TRERF1: variants seen among roughly 807,000 people sequenced by gnomAD.
TRERF1 encodes the protein transcriptional-regulating factor 1.
In TRERF1, 27 loss-of-function variants were observed where a neutral mutation model predicts 122.9. The ratio of observed to expected loss-of-function variants is 0.22; its 90% CI spans 0.16 to 0.30. TRERF1 has a LOEUF of 0.30. Among genes scored for constraint, TRERF1 ranks in the 10% least tolerant of loss-of-function variants. The probability of loss-of-function intolerance (pLI) is 1.00; values close to 1 mark genes in which losing one functional copy is unlikely to be tolerated. For missense variants in TRERF1, 1,248 were observed against 1,560.3 expected, an observed-to-expected ratio of 0.80 and a Z score of 3.37; for synonymous variants, 636 against 641.7, an observed-to-expected ratio of 0.99 and a Z score of 0.13.
intron 4 of TRERF1, among the ~76,000 whole-genome samples, chr6:42,297,642 A>G (rs1051061619): frequency 6.6e-6 from 1 of 152,236 alleles, no homozygotes; most frequent in Non-Finnish European, 1.5e-5. Flanking sequence ...TGGACTTCAC[A>G]CAGGTTTGTA....
intron 3 of TRERF1, among the ~76,000 whole-genome samples, chr6:42,311,297 G>A (rs894196743): frequency 2.6e-5 from 4 of 152,164 alleles, no homozygotes; most frequent in African/African-American, 7.2e-5. Context: ...ACCTGAAAAG[G>A]TGACATCTGG....
chr6:42,401,343 CACA>C (rs1337767141), intron 2 of TRERF1, among the ~76,000 whole-genome samples: 1 of 152,200 alleles, frequency 6.6e-6, no homozygotes, highest in African/African-American at 2.4e-5. Context: ...AGAAAAGATT[CACA>C]ACACTTCTCA....
In TRERF1 at chr6:42,428,907, C is replaced by A. The variant is rs558063854; in HGVS notation, c.-454+22270G>T. Among the ~76,000 whole-genome samples, 309 of 152,314 alleles carry A rather than the reference C, an allele frequency of 2.0e-3. 1 individual carries two copies. The highest frequency in any genetic ancestry group is 6.5e-3 in the African/African-American group (269 of 41,566). On this transcript the variant is annotated intron_variant, in intron 2 of 17. Transcript: ENST00000372922. ...GGCCTTCCCACTTCCCAGGAACCCA[C>A]AGATAGAGAAGTCCAATACACTGGC...
At chr6:42,235,345 G>A (rs1771880287) in intron 16 of TRERF1, among the ~76,000 whole-genome samples, 1 of 152,126 alleles carries the variant, frequency 6.6e-6, no homozygotes, top group South Asian at 2.1e-4. Context: ...AGGTGTGCCT[G>A]GCCTTAAGAA....
At chr6:42,431,846 C>G (rs1291296122) in intron 2 of TRERF1, among the ~76,000 whole-genome samples, 3 of 152,180 alleles carry the variant, frequency 2.0e-5, no homozygotes, top group Non-Finnish European at 4.4e-5. Flanking sequence ...ATGGAAGCTT[C>G]TGTCCCAAAT....
At chr6:42,440,937 C>T (rs114647013) in intron 2 of TRERF1, among the ~76,000 whole-genome samples, 12 of 152,238 alleles carry the variant, frequency 7.9e-5, no homozygotes, top group Non-Finnish European at 8.8e-5. Flanking sequence ...CCTCCACGTG[C>T]GCTAAGCTCT....
intron 2 of TRERF1, among the ~76,000 whole-genome samples, chr6:42,398,139 C>G (rs536874882): frequency 6.6e-6 from 1 of 152,194 alleles, no homozygotes; most frequent in African/African-American, 2.4e-5. Flanking sequence ...AATCCCAGCT[C>G]CAGCACTTGC....
chr6:42,380,102 G>A (rs969627779), intron 2 of TRERF1, among the ~76,000 whole-genome samples: 3 of 152,098 alleles, frequency 2.0e-5, no homozygotes, highest in African/African-American at 7.2e-5. Context: ...AGATACCTGG[G>A]GGAAGATATT....
Position 42,307,865 on chromosome 6 carries a change from T to C in TRERF1, c.-370-7116A>G, listed in dbSNP as rs116736291. 6.7e-3 allele frequency among the ~76,000 whole-genome samples: 1,025 copies of C among 152,260 alleles called. 10 individuals carry two copies. The highest frequency in any genetic ancestry group is 0.023 in the African/African-American group (972 of 41,540). On this transcript the variant is annotated intron_variant, in intron 3 of 17. Transcript: ENST00000372922. ...GAGGAGCTCTCATCAAAGTGGTGGT[T>C]CTCCAACTTTCAGGTCTACACGAAC...
chr6:42,273,225 C>T (rs1316375150), intron 4 of TRERF1, among the ~76,000 whole-genome samples: 2 of 152,010 alleles, frequency 1.3e-5, no homozygotes, highest in Admixed American at 1.3e-4. Context: ...TGCACTTCCA[C>T]CAGTGCAATT....
chr6:42,334,829 GAGCC>G (rs1188030230), intron 3 of TRERF1, among the ~76,000 whole-genome samples: 12 of 152,234 alleles, frequency 7.9e-5, no homozygotes, highest in African/African-American at 2.9e-4. Context: ...GAGCACCAAG[GAGCC>G]CCACGTGTGC....
intron 3 of TRERF1, among the ~76,000 whole-genome samples, chr6:42,341,679 C>T (rs996433384): frequency 1.3e-5 from 2 of 152,204 alleles, no homozygotes. Flanking sequence ...CCTAGCATGG[C>T]TCCCTCTTCC....
rs1779670558 is a variant in TRERF1, at chr6:42,268,650, A to AGCTGTAGCTGCTGCGGCTGCT, written c.920_940dup (p.Gln307_Gln313dup). On this transcript the variant is annotated inframe_insertion, in exon 5 of 18. Transcript: ENST00000372922. The surrounding 1 kb of genome is among the most constrained non-coding windows in gnomAD (Gnocchi z 4.4). ...CTGCATTGAACCCTGCCGCTGCTGC[A>AGCTGTAGCTGCTGCGGCTGCT]GCTGTAGCTGCTGCGGCTGCTGCTG... The AGCTGTAGCTGCTGCGGCTGCT allele has an allele frequency of 6.2e-7, 1 of 1,613,984 alleles. No homozygotes were observed. Among genetic ancestry groups the AGCTGTAGCTGCTGCGGCTGCT allele is most frequent in the Admixed American group, 1.7e-5 (1 of 59,976 alleles).
At chr6:42,446,876 A>ACGTG (rs1237982714) in intron 2 of TRERF1, among the ~76,000 whole-genome samples, 1 of 152,158 alleles carries the variant, frequency 6.6e-6, no homozygotes, top group Non-Finnish European at 1.5e-5. Flanking sequence ...ATGGTGGTGC[A>ACGTG]CGCCTGTAAT....
intron 2 of TRERF1, among the ~76,000 whole-genome samples, chr6:42,388,391 C>T (rs1277445445): frequency 6.6e-6 from 1 of 152,052 alleles, no homozygotes; most frequent in Non-Finnish European, 1.5e-5. Flanking sequence ...AATACGAGCT[C>T]AGCACACTTA....
Position 42,316,209 on chromosome 6 carries a change from A to G in TRERF1, c.-370-15460T>C, listed in dbSNP as rs572943718. Among the ~76,000 whole-genome samples, 46 of 152,270 alleles carry G rather than the reference A, an allele frequency of 3.0e-4. 1 individual carries two copies. The South Asian group carries it at 6.6e-3, about 22-fold the overall frequency. On this transcript the variant is annotated intron_variant, in intron 3 of 17. Transcript: ENST00000372922. ...TGACTCTGGCACGCAGTTAACCCCA[A>G]GCATGCACCTCCTCCTCCCCGCATT...
intron 2 of TRERF1, among the ~76,000 whole-genome samples, chr6:42,378,799 C>T (rs796400882): frequency 3.9e-5 from 6 of 152,322 alleles, no homozygotes; most frequent in African/African-American, 1.2e-4. Context: ...CCCAACCTCC[C>T]AATTTTATGA....
chr6:42,406,705 C>T (rs542082076), intron 2 of TRERF1, among the ~76,000 whole-genome samples: 14 of 152,214 alleles, frequency 9.2e-5, no homozygotes, highest in Middle Eastern at 3.4e-3. Flanking sequence ...CCCCAATGTC[C>T]CTCGTCTTAA....
intron 3 of TRERF1, among the ~76,000 whole-genome samples, chr6:42,349,891 G>A (rs1769078638): frequency 6.6e-6 from 1 of 152,106 alleles, no homozygotes; most frequent in East Asian, 1.9e-4. Flanking sequence ...CTGAGCTCAT[G>A]TTCAAATTAA....
Sources: gnomAD v4.1 joint callset for allele counts (sites outside exome capture counted in the v4.1 genomes callset) on GRCh38, gnomAD v4.1.1 for gene constraint, Gnocchi (gnomAD v3.1) non-coding constraint, MANE v1.5 for transcripts, NCBI Gene and HGNC (gene_info 2026-07-23, HGNC 2026-07-21) for gene names.